Variants in NAALADL2 observed in about 807,000 individuals in gnomAD.
The protein encoded by NAALADL2 is N-acetylated alpha-linked acidic dipeptidase like 2, also known as inactive N-acetylated-alpha-linked acidic dipeptidase-like protein 2.
In NAALADL2, 76 loss-of-function variants were observed where a neutral mutation model predicts 87.2. The observed-to-expected ratio is 0.87, with a 90% confidence interval of 0.72 to 1.05. NAALADL2 has a LOEUF of 1.05. NAALADL2 is among the 50% of genes least tolerant of loss of function. The pLI is 0.00. For synonymous variants in NAALADL2, 354 were observed against 331.0 expected (o/e 1.07, Z -0.75); for missense variants, 1,089 against 945.8 (o/e 1.15, Z -1.99).
chr3:175,423,028 A>AAAAAAAAATATATATATATAT (rs1438736874), intron 5 of NAALADL2, among the ~76,000 whole-genome samples: 3 of 111,302 alleles, frequency 2.7e-5, no homozygotes, highest in Non-Finnish European at 5.1e-5. Flanking sequence ...GAAAAAAAAA[A>AAAAAAAAATATATATATATAT]ATATATATAT....
intron 13 of NAALADL2, among the ~76,000 whole-genome samples, chr3:175,782,474 T>TC (rs1479307504): frequency 1.7e-5 from 2 of 119,606 alleles, no homozygotes; most frequent in Non-Finnish European, 3.3e-5. Context: ...GAGCATTTTT[T>TC]CATGTGTTTT....
chr3:175,227,582 T>G (rs1384024503), intron 2 of NAALADL2, among the ~76,000 whole-genome samples: 1 of 152,036 alleles, frequency 6.6e-6, no homozygotes, highest in Non-Finnish European at 1.5e-5. Flanking sequence ...GAATTTCTCA[T>G]TTAATACAGC....
At chr3:175,369,424 G>T (rs1055422748) in intron 5 of NAALADL2, 1 of 150,716 alleles carries the variant, frequency 6.6e-6, no homozygotes, top group Non-Finnish European at 1.5e-5. Flanking sequence ...GTGTGCCTGT[G>T]TGCGTGTGTG....
At chr3:175,591,971 A>T (rs1721550171) in intron 10 of NAALADL2, among the ~76,000 whole-genome samples, 1 of 151,922 alleles carries the variant, frequency 6.6e-6, no homozygotes, top group Admixed American at 6.6e-5. Flanking sequence ...ATCAAATGAT[A>T]AATCAGAGAG....
chr3:174,752,823 T>C (rs1734970988), intron 3 of NAALADL2, among the ~76,000 whole-genome samples: 1 of 152,200 alleles, frequency 6.6e-6, no homozygotes, highest in Non-Finnish European at 1.5e-5. Context: ...ACATATTTCA[T>C]ACAAAAAATT....
Position 174,613,396 on chromosome 3 carries a change from C to A in NAALADL2, c.-115+62759C>A, listed in dbSNP as rs192941101. On this transcript the variant is annotated intron_variant, in intron 2 of 3. Transcript: ENST00000434257. Reference sequence around the variant, plus strand: ...TTCCTGCAGGCCCCAGCTGGGTTCACAGATGCTGTCCAGGAGTCAGGGACT... The same window carrying A: ...TTCCTGCAGGCCCCAGCTGGGTTCAAAGATGCTGTCCAGGAGTCAGGGACT... 5.9e-3 allele frequency among the ~76,000 whole-genome samples: 895 copies of A among 152,196 alleles called. 6 individuals are homozygous for A. Among genetic ancestry groups the A allele is most frequent in the African/African-American group, 0.021 (867 of 41,504 alleles).
intron 5 of NAALADL2, among the ~76,000 whole-genome samples, chr3:175,353,943 C>A (rs1457477971): frequency 2.0e-5 from 3 of 152,126 alleles, no homozygotes; most frequent in African/African-American, 7.2e-5. Flanking sequence ...AGATTGACAT[C>A]ATATATGTAA....
intron 1 of NAALADL2, among the ~76,000 whole-genome samples, chr3:175,053,923 C>G (rs1267090126): frequency 6.6e-6 from 1 of 152,202 alleles, no homozygotes; most frequent in Non-Finnish European, 1.5e-5. Context: ...CCATTTGATT[C>G]CCTTAAGTCA....
chr3:174,751,603 C>T lies in NAALADL2; in HGVS notation c.-9+13857C>T, dbSNP rs560602131. On this transcript the variant is annotated intron_variant, in intron 3 of 3. Transcript: ENST00000434257. ...GCTTGAGCCCGGGAGACTGAGGTTG[C>T]AGTGAGCCGAGATCGTGCCACTGCA... Among the ~76,000 whole-genome samples the T allele has an allele frequency of 9.6e-5, 14 of 145,696 alleles. No individual in the cohort carries two copies. The South Asian group carries it at 3.0e-3, about 31-fold the overall frequency.
intron 5 of NAALADL2, 88 bp downstream of exon 5, chr3:175,324,413 G>T: frequency 9.9e-7 from 1 of 1,010,210 alleles, no homozygotes; most frequent in South Asian, 2.0e-5. Context: ...CAGGAATAGT[G>T]ATGTCAAATA....
At chr3:175,389,749 G>A (rs1768852233) in intron 5 of NAALADL2, among the ~76,000 whole-genome samples, 1 of 152,158 alleles carries the variant, frequency 6.6e-6, no homozygotes, top group Admixed American at 6.5e-5. Flanking sequence ...TAGAAGAGGG[G>A]CAATCCTGGC....
Position 175,576,184 on chromosome 3 carries a change from A to AGAG in NAALADL2, c.1799_1800+1dup. 1 of 1,611,696 alleles carries AGAG rather than the reference A, an allele frequency of 6.2e-7. No homozygotes were observed. Among genetic ancestry groups the AGAG allele is most frequent in the East Asian group, 2.2e-5 (1 of 44,856 alleles). On this transcript the variant is annotated inframe_insertion, in exon 10 of 14. Transcript: ENST00000454872. ...TTGCTTACGAGGACATCAAAACATT[A>AGAG]GAGGTGATTGTTCCTAAAAAATGCA...
At chr3:174,885,371 G>T (rs900532617) in intron 1 of NAALADL2, among the ~76,000 whole-genome samples, 5 of 152,058 alleles carry the variant, frequency 3.3e-5, no homozygotes, top group Admixed American at 6.6e-5. Flanking sequence ...GAGAAGAATC[G>T]CTGAGTTCAT....
intron 10 of NAALADL2, among the ~76,000 whole-genome samples, chr3:175,606,835 G>A (rs1305591038): frequency 1.3e-5 from 2 of 152,188 alleles, no homozygotes; most frequent in Non-Finnish European, 2.9e-5. Context: ...TGCTTTTCCT[G>A]TAGACAGGTG....
intron 2 of NAALADL2, among the ~76,000 whole-genome samples, chr3:175,099,023 T>C (rs1721667759): frequency 6.6e-6 from 1 of 152,028 alleles, no homozygotes; most frequent in African/African-American, 2.4e-5. Context: ...TTTGTAAGTT[T>C]ATAGGAACTT....
At chr3:175,253,523 C>T (rs1749415256) in intron 3 of NAALADL2, among the ~76,000 whole-genome samples, 1 of 152,216 alleles carries the variant, frequency 6.6e-6, no homozygotes, top group Admixed American at 6.5e-5. Flanking sequence ...AAGCTACTAA[C>T]ACAACATCCA....
At chr3:175,218,741 T>G (rs2109331357) in intron 2 of NAALADL2, among the ~76,000 whole-genome samples, 1 of 152,222 alleles carries the variant, frequency 6.6e-6, no homozygotes, top group African/African-American at 2.4e-5. Flanking sequence ...GCATATAAAA[T>G]ATTATATAGT....
At chr3:174,667,769 G>A (rs1422894269) in intron 2 of NAALADL2, among the ~76,000 whole-genome samples, 1 of 151,926 alleles carries the variant, frequency 6.6e-6, no homozygotes, top group Non-Finnish European at 1.5e-5. Context: ...GAGGTTAAAG[G>A]TTATAATTGT....
In NAALADL2 at chr3:174,709,564, T is replaced by C. The variant is rs141402534; in HGVS notation, c.-114-28077T>C. On this transcript the variant is annotated intron_variant, in intron 2 of 3. Coordinates refer to the NAALADL2 transcript ENST00000434257. The stretch of plus-strand genomic sequence containing the variant: ...GGTGATATGGCTTGATCTATGGAAA[T>C]AATACAGAACATATAGAAGAGTGGC... Among the ~76,000 whole-genome samples, 319 of 152,238 alleles carry C rather than the reference T, an allele frequency of 2.1e-3. 3 individuals carry two copies. The highest frequency in any genetic ancestry group is 7.1e-3 in the African/African-American group (294 of 41,550).
Sources: allele counts gnomAD v4.1 joint callset (sites outside exome capture counted in the v4.1 genomes callset), GRCh38; gene constraint gnomAD v4.1.1; transcripts MANE v1.5; gene names NCBI Gene and HGNC (gene_info 2026-07-23, HGNC 2026-07-21).